GPATCH2: variants seen among roughly 807,000 people sequenced by gnomAD.
The protein encoded by GPATCH2 is G patch domain-containing protein 2.
A neutral mutation model predicts 58.0 loss-of-function variants in GPATCH2; 51 were observed. The observed-to-expected ratio is 0.88, with a 90% CI of 0.70 to 1.11. GPATCH2 has a LOEUF of 1.11. Ranked by LOEUF, GPATCH2 falls within the 50% of genes most tolerant of loss-of-function variation. GPATCH2 has a pLI of 0.00. For synonymous variants in GPATCH2, 222 were observed against 218.5 expected, an observed-to-expected ratio of 1.02 and a Z score of -0.14; for missense variants, 625 against 652.2, an observed-to-expected ratio of 0.96 and a Z score of 0.45.
chr1:217,480,505 G>T (rs2102516462), intron 8 of GPATCH2, among the ~76,000 whole-genome samples: 2 of 152,266 alleles, frequency 1.3e-5, no homozygotes, highest in African/African-American at 4.8e-5. Flanking sequence ...TTCTGGCAGG[G>T]ATGTGGAGAA....
At chr1:217,580,463 C>T (rs956248082) in intron 5 of GPATCH2, among the ~76,000 whole-genome samples, 1 of 152,238 alleles carries the variant, frequency 6.6e-6, no homozygotes, top group East Asian at 1.9e-4. Flanking sequence ...CTGTATCAAA[C>T]AAGAAGTGCT....
intron 5 of GPATCH2, among the ~76,000 whole-genome samples, chr1:217,544,758 C>A (rs1266460493): frequency 6.6e-6 from 1 of 152,178 alleles, no homozygotes; most frequent in Non-Finnish European, 1.5e-5. Flanking sequence ...CACCTCCCTG[C>A]CATCCCCCAC....
At chr1:217,503,706 C>G (rs1662413326) in intron 6 of GPATCH2, among the ~76,000 whole-genome samples, 1 of 151,890 alleles carries the variant, frequency 6.6e-6, no homozygotes. Flanking sequence ...AATTTCAGAG[C>G]TCTATTAGTT....
At chr1:217,476,714 T>G (rs74142465) in intron 8 of GPATCH2, among the ~76,000 whole-genome samples, 1 of 152,064 alleles carries the variant, frequency 6.6e-6, no homozygotes, top group Non-Finnish European at 1.5e-5. Context: ...TCACCAATCC[T>G]AGCGGTCCAA....
chr1:217,610,904 G>A lies in GPATCH2; in HGVS notation c.1003C>T (p.His335Tyr), dbSNP rs145525099. ...ILTGSFPLMS[H>Y]PSRRGFQARL... ...TGCTACTGACCTCTTCTGCTTGGGT[G>A]TGACATAAGGGGAAAAGAACCAGTT... The change falls in exon 4 of 10, where the codon CAC (histidine) becomes TAC (tyrosine). Residue 335 changes from histidine (H) to tyrosine (Y), a missense_variant. Physicochemically the swap from His to Tyr is moderately conservative, Grantham distance 83. Coordinates refer to ENST00000366935, the MANE Select transcript of GPATCH2 (RefSeq NM_018040.5). 1.2e-6 allele frequency: 2 copies of A among 1,611,938 alleles called. No individual in the cohort carries two copies. The highest frequency in any genetic ancestry group is 1.7e-6 in the Non-Finnish European group (2 of 1,178,726).
At chr1:217,498,629 T>A in intron 6 of GPATCH2, 1 of 586,052 alleles carries the variant, frequency 1.7e-6, no homozygotes, top group East Asian at 2.8e-5. Context: ...TAGAATTACA[T>A]TTCCATTTAA....
chr1:217,442,167 A>G (rs2102539942), intron 9 of GPATCH2, among the ~76,000 whole-genome samples: 1 of 152,336 alleles, frequency 6.6e-6, no homozygotes, highest in South Asian at 2.1e-4. Context: ...CAGCCATAAA[A>G]AGGATGAGTT....
At chr1:217,497,978 T>C (rs1662094718) in intron 7 of GPATCH2, among the ~76,000 whole-genome samples, 1 of 152,218 alleles carries the variant, frequency 6.6e-6, no homozygotes, top group South Asian at 2.1e-4. Context: ...AAACTTCAGA[T>C]ACAAATATTC....
At chr1:217,577,210 G>A (rs912820195) in intron 5 of GPATCH2, among the ~76,000 whole-genome samples, 1 of 152,028 alleles carries the variant, frequency 6.6e-6, no homozygotes, top group Non-Finnish European at 1.5e-5. Context: ...CTAATTTAAG[G>A]GAGAAAATTC....
chr1:217,560,913 T>C (rs1321246630), intron 5 of GPATCH2, among the ~76,000 whole-genome samples: 1 of 152,258 alleles, frequency 6.6e-6, no homozygotes, highest in Admixed American at 6.5e-5. Flanking sequence ...TTTTAAGATT[T>C]TAACTTTAAA....
At chr1:217,556,603 T>G (rs1393927575) in intron 5 of GPATCH2, among the ~76,000 whole-genome samples, 2 of 152,210 alleles carry the variant, frequency 1.3e-5, no homozygotes, top group East Asian at 3.9e-4. Context: ...TTATCCATTT[T>G]CCTGCCAAGA....
intron 5 of GPATCH2, among the ~76,000 whole-genome samples, chr1:217,519,788 G>A (rs576882376): frequency 7.1e-4 from 108 of 152,168 alleles, no homozygotes; most frequent in Non-Finnish European, 1.1e-3. Flanking sequence ...ATCCAGTACT[G>A]CTTACTTGGT....
At chr1:217,508,731 G>A (rs977098030) in intron 6 of GPATCH2, among the ~76,000 whole-genome samples, 45 of 151,940 alleles carry the variant, frequency 3.0e-4, no homozygotes, top group African/African-American at 1.1e-3. Flanking sequence ...AATTAAAAGA[G>A]AATTTCAAAA....
intron 9 of GPATCH2, among the ~76,000 whole-genome samples, chr1:217,443,550 T>C (rs191148813): frequency 1.3e-5 from 2 of 152,302 alleles, no homozygotes; most frequent in African/African-American, 2.4e-5. Flanking sequence ...TTGTTCAATA[T>C]GAAAATTCAT....
intron 5 of GPATCH2, among the ~76,000 whole-genome samples, chr1:217,600,824 GGTTT>G (rs1668070636): frequency 6.6e-6 from 1 of 151,964 alleles, no homozygotes; most frequent in Non-Finnish European, 1.5e-5. Flanking sequence ...AATTTTCAAA[GGTTT>G]GTTAGGATAC....
chr1:217,607,456 G>A (rs1668416066), intron 5 of GPATCH2, among the ~76,000 whole-genome samples: 1 of 152,102 alleles, frequency 6.6e-6, no homozygotes, highest in South Asian at 2.1e-4. Flanking sequence ...GTGCTCCTAA[G>A]TGCAAGAAGG....
intron 8 of GPATCH2, among the ~76,000 whole-genome samples, chr1:217,454,826 G>A (rs1179222194): frequency 2.0e-5 from 3 of 151,804 alleles, no homozygotes; most frequent in Non-Finnish European, 4.4e-5. Flanking sequence ...AGAGACGGGG[G>A]TTTCACCTTA....
At chr1:217,614,341 TAATCAAACTGCTAATA>T in intron 2 of GPATCH2, 139 bp from the exon 3 acceptor site, 1 of 591,440 alleles carries the variant, frequency 1.7e-6, no homozygotes, top group African/African-American at 1.9e-5. Flanking sequence ...ATTTTTTTTT[TAATCAAACTGCTAATA>T]TCCTGGTTCC....
chr1:217,622,815 T>C (rs1429972343), intron 1 of GPATCH2, among the ~76,000 whole-genome samples: 2 of 152,244 alleles, frequency 1.3e-5, no homozygotes, highest in Non-Finnish European at 2.9e-5. Flanking sequence ...GTGCTGGAAT[T>C]ATAGGCGTGA....
Sources: gnomAD v4.1 joint callset for allele counts (sites outside exome capture counted in the v4.1 genomes callset) on GRCh38, gnomAD v4.1.1 for gene constraint, MANE v1.5 for transcripts, NCBI Gene and HGNC (gene_info 2026-07-23, HGNC 2026-07-21) for gene names.